SKIC3: variants seen among roughly 807,000 people sequenced by gnomAD.
SKIC3 encodes superkiller complex protein 3.
chr5:95,506,408 T>G, the SKIC3 span, among the ~76,000 whole-genome samples: 67 of 152,292 alleles, frequency 4.4e-4, no homozygotes, highest in African/African-American at 1.5e-3. Context: ...CTACAATACT[T>G]CTATTCTCTG....
At chr5:95,508,808 G>A in the SKIC3 span, among the ~76,000 whole-genome samples, 1 of 152,036 alleles carries the variant, frequency 6.6e-6, no homozygotes, top group Non-Finnish European at 1.5e-5. Context: ...TGCTTGGCAC[G>A]CAGTAGTCAA....
the SKIC3 span, among the ~76,000 whole-genome samples, chr5:95,533,499 C>T: frequency 8.4e-3 from 1,286 of 152,220 alleles, 19 homozygotes; most frequent in African/African-American, 0.029. Flanking sequence ...TGAACTTCCA[C>T]CTCAAGAATA....
chr5:95,554,246 A>G, the SKIC3 span, among the ~76,000 whole-genome samples: 1 of 152,190 alleles, frequency 6.6e-6, no homozygotes, highest in South Asian at 2.1e-4. Context: ...ATTAGTATTC[A>G]GTTGACTTAA....
At chr5:95,500,667 G>A in the SKIC3 span, among the ~76,000 whole-genome samples, 2 of 152,040 alleles carry the variant, frequency 1.3e-5, no homozygotes, top group African/African-American at 2.4e-5. Context: ...TACATCTATC[G>A]GTGAAGATTT....
chr5:95,507,378 G>A, the SKIC3 span, among the ~76,000 whole-genome samples: 1 of 152,124 alleles, frequency 6.6e-6, no homozygotes, highest in South Asian at 2.1e-4. Context: ...GTTTGAGTTA[G>A]GAAGCCAGGA....
chr5:95,505,949 G>A, the SKIC3 span, among the ~76,000 whole-genome samples: 1 of 151,752 alleles, frequency 6.6e-6, no homozygotes, highest in Non-Finnish European at 1.5e-5. Context: ...CATAATAAAA[G>A]TAAACTTAAA....
At chr5:95,538,964 T>G in the SKIC3 span, among the ~76,000 whole-genome samples, 2 of 152,154 alleles carry the variant, frequency 1.3e-5, no homozygotes, top group Admixed American at 6.5e-5. Context: ...TTACAGTGAT[T>G]AAGTTACTGA....
At chr5:95,523,077 C>T in the SKIC3 span, 2,313 of 1,306,804 alleles carry the variant, frequency 1.8e-3, 39 homozygotes, top group East Asian at 4.1e-3. Flanking sequence ...AAACACCAAT[C>T]AATCATAAAG....
chr5:95,475,641 C>G, the SKIC3 span, among the ~76,000 whole-genome samples: 1 of 152,184 alleles, frequency 6.6e-6, no homozygotes, highest in African/African-American at 2.4e-5. Context: ...CAGACGAATA[C>G]AGTTGGTGTT....
chr5:95,505,537 G>A, the SKIC3 span, among the ~76,000 whole-genome samples: 1 of 152,114 alleles, frequency 6.6e-6, no homozygotes, highest in African/African-American at 2.4e-5. Context: ...CTGAAGGCCG[G>A]GCACGGTGGC....
At chr5:95,517,212 A>G in the SKIC3 span, 49 of 1,613,234 alleles carry the variant, frequency 3.0e-5, no homozygotes, top group East Asian at 3.8e-4. Flanking sequence ...ACCTAGAAGG[A>G]CTCCTAAAAC....
chr5:95,497,400 T>C, the SKIC3 span: 1 of 1,604,736 alleles, frequency 6.2e-7, no homozygotes, highest in South Asian at 1.1e-5. Flanking sequence ...TGCTAGAATT[T>C]GAAACGTTAC....
the SKIC3 span, among the ~76,000 whole-genome samples, chr5:95,489,852 T>C: frequency 6.6e-6 from 1 of 152,134 alleles, no homozygotes; most frequent in Admixed American, 6.5e-5. Context: ...ATGTTATAGG[T>C]ATTTCTGAAT....
the SKIC3 span, among the ~76,000 whole-genome samples, chr5:95,539,133 A>G: frequency 4.6e-5 from 7 of 152,206 alleles, no homozygotes; most frequent in Non-Finnish European, 8.8e-5. Context: ...CAAAACACCT[A>G]GTCTAACATA....
the SKIC3 span, among the ~76,000 whole-genome samples, chr5:95,487,505 T>C: frequency 6.6e-6 from 1 of 152,162 alleles, no homozygotes; most frequent in East Asian, 1.9e-4. Flanking sequence ...GACTGGCCTA[T>C]CTGGCATCCC....
the SKIC3 span, among the ~76,000 whole-genome samples, chr5:95,550,939 C>T: frequency 1.3e-5 from 2 of 151,974 alleles, no homozygotes; most frequent in South Asian, 2.1e-4. Flanking sequence ...ACCCAAAATA[C>T]ACTGATGTCA....
the SKIC3 span, chr5:95,528,023 G>A: frequency 1.4e-5 from 23 of 1,613,548 alleles, no homozygotes; most frequent in East Asian, 1.8e-4. Flanking sequence ...CTGATCAAGC[G>A]TACGAATTGC....
At chr5:95,516,176 TAC>T in the SKIC3 span, among the ~76,000 whole-genome samples, 10 of 152,280 alleles carry the variant, frequency 6.6e-5, no homozygotes, top group Admixed American at 3.3e-4. Flanking sequence ...AAATAAATCT[TAC>T]ACATTAATTA....
At chr5:95,472,050 T>C in the SKIC3 span, among the ~76,000 whole-genome samples, 1 of 152,144 alleles carries the variant, frequency 6.6e-6, no homozygotes, top group Non-Finnish European at 1.5e-5. Context: ...CTAGCAAATG[T>C]ATTCTATTCT....
Sources: allele counts gnomAD v4.1 joint callset (sites outside exome capture counted in the v4.1 genomes callset), GRCh38; gene constraint gnomAD v4.1.1; transcripts MANE v1.5; gene names NCBI Gene and HGNC (gene_info 2026-07-23, HGNC 2026-07-21).